HOMER1: variants seen among roughly 807,000 people sequenced by gnomAD.
HOMER1 encodes homer scaffold protein 1.
Under a neutral mutation model 48.9 loss-of-function variants are expected in HOMER1, and 3 were observed. The observed-to-expected ratio is 0.06, with a 90% CI of 0.03 to 0.16. The LOEUF is 0.16. Ranked by LOEUF, HOMER1 falls within the 10% of genes least tolerant of loss-of-function variation. The pLI is 1.00. For synonymous variants in HOMER1, 134 were observed against 146.4 expected, an observed-to-expected ratio of 0.92 and a Z score of 0.61; for missense variants, 247 against 411.4, an observed-to-expected ratio of 0.60 and a Z score of 3.46.
chr5:79,487,874 T>C (rs1009518719), intron 1 of HOMER1, among the ~76,000 whole-genome samples: 11 of 152,176 alleles, frequency 7.2e-5, no homozygotes, highest in Non-Finnish European at 1.2e-4. Flanking sequence ...CAGGTAAAAT[T>C]ATATGATACC....
intron 5 of HOMER1, among the ~76,000 whole-genome samples, chr5:79,438,315 T>C (rs753881926): frequency 2.0e-5 from 3 of 152,246 alleles, no homozygotes; most frequent in Admixed American, 2.0e-4. Flanking sequence ...TTTGCAAGAT[T>C]GCAATTGCAC....
At chr5:79,490,387 A>C (rs1285974908) in intron 1 of HOMER1, among the ~76,000 whole-genome samples, 1 of 152,226 alleles carries the variant, frequency 6.6e-6, no homozygotes, top group African/African-American at 2.4e-5. Flanking sequence ...TTTAATAAAT[A>C]AGACCAAATC....
At chr5:79,433,707 TTTCCAGTGAAA>T (rs1750488213) in intron 5 of HOMER1, among the ~76,000 whole-genome samples, 1 of 152,198 alleles carries the variant, frequency 6.6e-6, no homozygotes, top group Non-Finnish European at 1.5e-5. Flanking sequence ...CTATGTAAAA[TTTCCAGTGAAA>T]TTTAGTTTTT....
chr5:79,450,671 A>G (rs1378431673), intron 3 of HOMER1, among the ~76,000 whole-genome samples: 1 of 152,216 alleles, frequency 6.6e-6, no homozygotes, highest in Non-Finnish European at 1.5e-5. Flanking sequence ...CCTATCTTGT[A>G]GACCATCTCC....
intron 5 of HOMER1, among the ~76,000 whole-genome samples, chr5:79,408,788 T>G (rs1166811140): frequency 6.8e-6 from 1 of 146,096 alleles, no homozygotes. Context: ...AACAACACTA[T>G]TTAAAAATTG....
intron 8 of HOMER1, among the ~76,000 whole-genome samples, chr5:79,379,336 TTA>T (rs1748892049): frequency 9.0e-6 from 1 of 110,886 alleles, no homozygotes; most frequent in Non-Finnish European, 1.7e-5. Context: ...TTATATATAT[TTA>T]TATATTTTAT....
chr5:79,383,777 A>T (rs1749039976), intron 8 of HOMER1, among the ~76,000 whole-genome samples: 1 of 152,198 alleles, frequency 6.6e-6, no homozygotes, highest in Non-Finnish European at 1.5e-5. Context: ...GTCTCAACAA[A>T]TTTTTAAAAA....
chr5:79,478,414 C>T (rs904336791), intron 1 of HOMER1, among the ~76,000 whole-genome samples: 3 of 152,268 alleles, frequency 2.0e-5, no homozygotes, highest in Middle Eastern at 3.4e-3. Flanking sequence ...CTAGGCTGGG[C>T]GCAGTGGCTC....
At chr5:79,469,668 C>CTT (rs145934231) in intron 1 of HOMER1, among the ~76,000 whole-genome samples, 50 of 149,088 alleles carry the variant, frequency 3.4e-4, no homozygotes, top group South Asian at 6.4e-4. Context: ...TATAATTTGC[C>CTT]TTTTTTTTTT....
intron 5 of HOMER1, among the ~76,000 whole-genome samples, chr5:79,426,152 A>C (rs1338920088): frequency 6.6e-6 from 1 of 152,030 alleles, no homozygotes; most frequent in East Asian, 1.9e-4. Flanking sequence ...TAGAAAGTGG[A>C]AAGTTTGCAC....
chr5:79,505,035 T>C (rs1306181076), intron 1 of HOMER1, among the ~76,000 whole-genome samples: 2 of 151,950 alleles, frequency 1.3e-5, no homozygotes, highest in African/African-American at 2.4e-5. Context: ...CCCAGCACTT[T>C]GAAAGGCCAG....
At chr5:79,498,503 CT>C (rs1174005913) in intron 1 of HOMER1, among the ~76,000 whole-genome samples, 3 of 152,182 alleles carry the variant, frequency 2.0e-5, no homozygotes, top group African/African-American at 7.2e-5. Context: ...AGGGATCAGG[CT>C]TCAGATGTCT....
chr5:79,474,388 G>GT (rs970526890), intron 1 of HOMER1, among the ~76,000 whole-genome samples: 3 of 151,608 alleles, frequency 2.0e-5, no homozygotes, highest in African/African-American at 7.3e-5. Flanking sequence ...CTTTCCCCCT[G>GT]TATTAGTAAT....
intron 5 of HOMER1, among the ~76,000 whole-genome samples, chr5:79,431,888 G>A (rs1288743964): frequency 2.0e-5 from 3 of 152,158 alleles, no homozygotes; most frequent in South Asian, 4.1e-4. Context: ...TGAATCTTAT[G>A]TATTATCCCC....
At chr5:79,414,860 A>G (rs946014774) in intron 5 of HOMER1, among the ~76,000 whole-genome samples, 1 of 152,162 alleles carries the variant, frequency 6.6e-6, no homozygotes, top group African/African-American at 2.4e-5. Context: ...TCAACATACA[A>G]TATAGTTGGC....
intron 5 of HOMER1, among the ~76,000 whole-genome samples, chr5:79,409,804 TC>T (rs1749767686): frequency 6.6e-6 from 1 of 152,060 alleles, no homozygotes; most frequent in South Asian, 2.1e-4. Flanking sequence ...GAAATGCAAA[TC>T]AAAACCACAA....
At chr5:79,385,145 T>C (rs1305507559) in intron 8 of HOMER1, among the ~76,000 whole-genome samples, 1 of 151,968 alleles carries the variant, frequency 6.6e-6, no homozygotes, top group African/African-American at 2.4e-5. Flanking sequence ...TACCTAAAAC[T>C]ATAAAATTAC....
chr5:79,454,452 G>A (rs1238931143), intron 2 of HOMER1, among the ~76,000 whole-genome samples: 1 of 151,624 alleles, frequency 6.6e-6, no homozygotes, highest in African/African-American at 2.4e-5. Context: ...TCAAATAAGG[G>A]AAAAGAAATA....
chr5:79,448,059 C>T (rs1431651539), intron 3 of HOMER1, among the ~76,000 whole-genome samples: 1 of 152,160 alleles, frequency 6.6e-6, no homozygotes, highest in African/African-American at 2.4e-5. Flanking sequence ...GCCTGTGATA[C>T]TCTAATCCTG....
Sources: gnomAD v4.1 joint callset for allele counts (sites outside exome capture counted in the v4.1 genomes callset) on GRCh38, gnomAD v4.1.1 for gene constraint, MANE v1.5 for transcripts, NCBI Gene and HGNC (gene_info 2026-07-23, HGNC 2026-07-21) for gene names.